The following C12orf56 variants were observed in gnomAD, a reference collection of about 807,000 sequenced individuals.
C12orf56 encodes uncharacterized protein C12orf56.
In C12orf56, 71 loss-of-function variants were observed where a neutral mutation model predicts 69.9. The ratio of observed to expected loss-of-function variants is 1.02; its 90% CI spans 0.84 to 1.24. C12orf56 has a LOEUF of 1.24. Ranked by LOEUF, C12orf56 falls within the 50% of genes most tolerant of loss-of-function variation. The probability of loss-of-function intolerance (pLI) is 0.00; values close to 1 mark genes in which losing one functional copy is unlikely to be tolerated. For missense variants in C12orf56, 732 were observed against 738.5 expected (o/e 0.99, Z 0.10); for synonymous variants, 276 against 274.1 (o/e 1.01, Z -0.07).
intron 1 of C12orf56, among the ~76,000 whole-genome samples, chr12:64,364,632 C>A (rs1226756108): frequency 2.0e-5 from 3 of 152,156 alleles, no homozygotes; most frequent in Non-Finnish European, 4.4e-5. Flanking sequence ...TGAAAAAGGA[C>A]ACTGTCAGTT....
At chr12:64,285,038 C>T (rs2136766357) in intron 7 of C12orf56, among the ~76,000 whole-genome samples, 1 of 152,102 alleles carries the variant, frequency 6.6e-6, no homozygotes. Context: ...ATGGCCTGAG[C>T]CCAGGAGTTT....
At chr12:64,370,512 G>T (rs1036730106) in intron 1 of C12orf56, among the ~76,000 whole-genome samples, 16 of 151,734 alleles carry the variant, frequency 1.1e-4, no homozygotes, top group African/African-American at 3.9e-4. Flanking sequence ...TTAGCTGGGT[G>T]TGGTGGCACA....
intron 3 of C12orf56, among the ~76,000 whole-genome samples, chr12:64,329,818 T>G (rs2038905526): frequency 6.6e-6 from 1 of 151,388 alleles, no homozygotes; most frequent in South Asian, 2.1e-4. Flanking sequence ...AGAATGATGA[T>G]TTCCAATTTC....
At chr12:64,323,804 C>T (rs1294858405) in intron 3 of C12orf56, among the ~76,000 whole-genome samples, 6 of 152,140 alleles carry the variant, frequency 3.9e-5, no homozygotes, top group Non-Finnish European at 8.8e-5. Flanking sequence ...AGCCATCATG[C>T]CCAGCTGCAA....
chr12:64,348,277 G>C (rs368118069), intron 2 of C12orf56, among the ~76,000 whole-genome samples: 132 of 151,730 alleles, frequency 8.7e-4, no homozygotes, highest in African/African-American at 3.0e-3. Flanking sequence ...GACTCCATAT[G>C]AAAAAAAAGC....
At chr12:64,288,907 G>C (rs1422226682) in intron 6 of C12orf56, among the ~76,000 whole-genome samples, 14 of 149,932 alleles carry the variant, frequency 9.3e-5, no homozygotes, top group Admixed American at 2.7e-4. Context: ...GTAGCTTTAT[G>C]GGGATGGCAT....
chr12:64,289,281 T>A (rs2038256351), intron 6 of C12orf56, among the ~76,000 whole-genome samples: 1 of 117,112 alleles, frequency 8.5e-6, no homozygotes, highest in African/African-American at 3.0e-5. Flanking sequence ...AGATATACAA[T>A]CATGTCGTCT....
At chr12:64,363,498 A>G (rs1360919330) in intron 1 of C12orf56, among the ~76,000 whole-genome samples, 2 of 152,138 alleles carry the variant, frequency 1.3e-5, no homozygotes, top group Admixed American at 6.6e-5. Flanking sequence ...CTACTCCATA[A>G]AAGTGTTTTG....
At chr12:64,358,482 A>AATAATAATAATAATAATAATAATC (rs11275269) in intron 1 of C12orf56, among the ~76,000 whole-genome samples, 5 of 125,948 alleles carry the variant, frequency 4.0e-5, no homozygotes, top group African/African-American at 1.5e-4. Flanking sequence ...TAATAATAAT[A>AATAATAATAATAATAATAATAATC]ATCATCATCA....
chr12:64,310,709 C>A (rs892409971), intron 5 of C12orf56, among the ~76,000 whole-genome samples: 3 of 140,198 alleles, frequency 2.1e-5, no homozygotes, highest in African/African-American at 8.0e-5. Context: ...TTATTTTTTT[C>A]TTCTTCTTTC....
intron 1 of C12orf56, among the ~76,000 whole-genome samples, chr12:64,382,132 G>A (rs1342958791): frequency 1.3e-5 from 2 of 151,900 alleles, no homozygotes; most frequent in South Asian, 4.2e-4. Flanking sequence ...GCATGGTGGT[G>A]TGCCCCTGTA....
In C12orf56 at chr12:64,306,795, A is replaced by C. The variant is rs1398159350; in HGVS notation, c.969-3016T>G. Among the ~76,000 whole-genome samples, 5 of 152,266 alleles carry C rather than the reference A, an allele frequency of 3.3e-5. No individual in the cohort carries two copies. The East Asian group carries it at 9.6e-4, about 29-fold the overall frequency. ...GGAAAGGCTCTTCCTATATTATCTC[A>C]AAAGCACTGTGTATGATTTTCACAG... On this transcript the variant is annotated intron_variant, in intron 5 of 12. Coordinates refer to ENST00000543942, the MANE Select transcript of C12orf56 (RefSeq NM_001170633.2).
intron 4 of C12orf56, among the ~76,000 whole-genome samples, chr12:64,313,708 C>T (rs963843710): frequency 6.6e-6 from 1 of 151,440 alleles, no homozygotes; most frequent in Non-Finnish European, 1.5e-5. Flanking sequence ...CTTGATTTAA[C>T]TTAATATATG....
At chr12:64,295,919 C>T (rs574005678) in intron 6 of C12orf56, among the ~76,000 whole-genome samples, 9 of 151,894 alleles carry the variant, frequency 5.9e-5, no homozygotes, top group African/African-American at 2.2e-4. Flanking sequence ...ATTACAGGAA[C>T]CAAAAATTAG....
chr12:64,320,014 C>T (rs183211935), intron 3 of C12orf56, among the ~76,000 whole-genome samples: 6 of 152,346 alleles, frequency 3.9e-5, no homozygotes, highest in African/African-American at 1.4e-4. Context: ...TCCATCCCTC[C>T]GGATCCGGCA....
chr12:64,288,657 T>G (rs1205299223), intron 6 of C12orf56, among the ~76,000 whole-genome samples: 1 of 128,468 alleles, frequency 7.8e-6, no homozygotes, highest in East Asian at 2.4e-4. Flanking sequence ...ATCAGATAGT[T>G]GTAGATATGC....
intron 1 of C12orf56, among the ~76,000 whole-genome samples, chr12:64,385,765 G>C (rs549736147): frequency 6.6e-6 from 1 of 152,010 alleles, no homozygotes; most frequent in Non-Finnish European, 1.5e-5. Flanking sequence ...CTGAATGCTC[G>C]GGGAGCCTGA....
Position 64,318,759 on chromosome 12 carries a change from C to A in C12orf56, c.710G>T (p.Ser237Ile). 6.6e-7 allele frequency: 1 copy of A among 1,505,036 alleles called. No individual in the cohort carries two copies. The highest frequency in any genetic ancestry group is 1.2e-5 in the South Asian group (1 of 83,180). The allele number at this position is 1,505,036 out of a possible 1,614,324, so 93.2% of individuals were successfully genotyped here. ...CCCATTGCACTTGAAAGGAATTTCA[C>A]TTATGGAGTTGTGATCTGGAAGTCC... Reference protein sequence around the residue: ...PQGLPDHNSISEIPFKCNGNG... With the variant: ...PQGLPDHNSIIEIPFKCNGNG... The change falls in exon 4 of 13, where the codon AGT (serine) becomes ATT (isoleucine). Residue 237 changes from serine (S) to isoleucine (I), a missense_variant. Coordinates refer to ENST00000543942, the MANE Select transcript of C12orf56 (RefSeq NM_001170633.2).
In C12orf56 at chr12:64,390,643, CCG is replaced by C. The variant is rs2039858249; in HGVS notation, c.-80_-79del. ...CCTCTCCCCGCCCCCGCGCTGGAACCCGCGCGCCACAAAGCCGCCGGCCACGC... is the reference window on the plus strand; with the variant it reads ...CCTCTCCCCGCCCCCGCGCTGGAACCCGCGCCACAAAGCCGCCGGCCACGC... On this transcript the variant is annotated 5_prime_UTR_variant, in exon 1 of 13. Coordinates refer to ENST00000543942, the MANE Select transcript of C12orf56 (RefSeq NM_001170633.2). The C allele has an allele frequency of 4.3e-6, 6 of 1,379,524 alleles. No individual in the cohort carries two copies. Among genetic ancestry groups the C allele is most frequent in the Non-Finnish European group, 5.6e-6 (6 of 1,074,934 alleles). The allele number at this position is 1,379,524 out of a possible 1,614,324, so 85.5% of individuals were successfully genotyped here.
Sources: gnomAD v4.1 joint callset for allele counts (sites outside exome capture counted in the v4.1 genomes callset) on GRCh38, gnomAD v4.1.1 for gene constraint, MANE v1.5 for transcripts, NCBI Gene and HGNC (gene_info 2026-07-23, HGNC 2026-07-21) for gene names.